The following PKIB variants were observed in gnomAD, a reference collection of about 807,000 sequenced individuals.
The protein encoded by PKIB is PKI-beta.
Under a neutral mutation model 4.5 loss-of-function variants are expected in PKIB, and 2 were observed. That is an observed-to-expected ratio of 0.44 (90% CI 0.18 to 1.39). The LOEUF is 1.39. PKIB is among the 40% of genes most tolerant of loss of function. PKIB has a pLI of 0.27. For missense variants in PKIB, 94 were observed against 92.6 expected (o/e 1.02, Z -0.06); for synonymous variants, 38 against 36.0 (o/e 1.06, Z -0.20).
chr6:122,573,496 G>A (rs73549356), intron 2 of PKIB, among the ~76,000 whole-genome samples: 193 of 139,560 alleles, frequency 1.4e-3, no homozygotes, highest in African/African-American at 4.9e-3. Flanking sequence ...TCCTCCAGCC[G>A]AGGCAACAGA....
intron 2 of PKIB, among the ~76,000 whole-genome samples, chr6:122,671,020 G>C (rs916893515): frequency 1.3e-5 from 2 of 152,160 alleles, no homozygotes; most frequent in Non-Finnish European, 2.9e-5. Flanking sequence ...GAGGCCAGGC[G>C]CGGTGGCTCA....
At chr6:122,663,674 C>T (rs1382342032) in intron 2 of PKIB, among the ~76,000 whole-genome samples, 3 of 152,148 alleles carry the variant, frequency 2.0e-5, no homozygotes, top group Non-Finnish European at 2.9e-5. Context: ...TCTGTCTTTA[C>T]GTTGTCTTCC....
In PKIB at chr6:122,538,964, G is replaced by A. The variant is rs1367903516; in HGVS notation, c.-247-46957G>A. Among the ~76,000 whole-genome samples the A allele has an allele frequency of 3.1e-3, 478 of 151,948 alleles. 1 individual carries two copies. Among genetic ancestry groups the A allele is most frequent in the Non-Finnish European group, 5.6e-3 (382 of 67,960 alleles). On this transcript the variant is annotated intron_variant, in intron 2 of 6. Transcript: ENST00000392491. ...AGCAATTGTGAATGGGAGTTCACTC[G>A]TGATTTGGCTCTCTGTTTGTCTGTT...
At chr6:122,715,683 A>C (rs1181882391) in intron 3 of PKIB, among the ~76,000 whole-genome samples, 1 of 150,888 alleles carries the variant, frequency 6.6e-6, no homozygotes, top group Non-Finnish European at 1.5e-5. Context: ...ATATATATGA[A>C]CTTTAACAAA....
intron 1 of PKIB, among the ~76,000 whole-genome samples, chr6:122,613,161 G>A (rs1774832810): frequency 1.3e-5 from 2 of 152,174 alleles, no homozygotes; most frequent in Admixed American, 1.3e-4. Flanking sequence ...GAGAAAGCAT[G>A]CAGTTTGAAA....
intron 3 of PKIB, 113 bp downstream of exon 3, chr6:122,675,257 CA>C (rs907170140): frequency 6.6e-6 from 1 of 152,398 alleles, no homozygotes; most frequent in Non-Finnish European, 1.5e-5. Context: ...AAGTGGCATG[CA>C]AAATTTGAAT....
chr6:122,586,588 T>C (rs1459724764), intron 3 of PKIB, among the ~76,000 whole-genome samples: 1 of 152,190 alleles, frequency 6.6e-6, no homozygotes, highest in Non-Finnish European at 1.5e-5. Flanking sequence ...TATATTTTTC[T>C]CTTCAGTCTT....
intron 2 of PKIB, among the ~76,000 whole-genome samples, chr6:122,540,147 A>AT (rs1562244212): frequency 6.6e-6 from 1 of 151,974 alleles, no homozygotes; most frequent in African/African-American, 2.4e-5. Flanking sequence ...GGATTCATTA[A>AT]TTTTTTGAAG....
intron 2 of PKIB, among the ~76,000 whole-genome samples, chr6:122,642,425 A>G (rs1776155610): frequency 6.6e-6 from 1 of 152,248 alleles, no homozygotes; most frequent in South Asian, 2.1e-4. Context: ...GAGCTAAGAT[A>G]AGGCATTCTT....
intron 2 of PKIB, among the ~76,000 whole-genome samples, chr6:122,519,938 A>T (rs1392407279): frequency 6.6e-6 from 1 of 152,144 alleles, no homozygotes; most frequent in African/African-American, 2.4e-5. Flanking sequence ...CCAGCTTTTC[A>T]CTGAACTGTT....
At chr6:122,708,726 C>A (rs547605857) in intron 3 of PKIB, among the ~76,000 whole-genome samples, 1 of 152,090 alleles carries the variant, frequency 6.6e-6, no homozygotes, top group Non-Finnish European at 1.5e-5. Flanking sequence ...CTCCTCCTCC[C>A]GGGTTCAAGT....
rs980112600 is a variant in PKIB, at chr6:122,557,526, T to G, written c.-247-28395T>G. On this transcript the variant is annotated intron_variant, in intron 2 of 6. Coordinates refer to the PKIB transcript ENST00000392491. The stretch of plus-strand genomic sequence containing the variant: ...ACCAAAAGAGAACTTGTGTAAGATT[T>G]GGAAGGCACACATGTGAAACAGCAG... Among the ~76,000 whole-genome samples the G allele has an allele frequency of 5.3e-5, 8 of 152,046 alleles. No homozygotes were observed. In the East Asian group the frequency reaches 1.5e-3, roughly 29 times the overall value.
At chr6:122,699,686 G>T (rs567121492) in intron 3 of PKIB, among the ~76,000 whole-genome samples, 38 of 152,232 alleles carry the variant, frequency 2.5e-4, no homozygotes, top group African/African-American at 8.7e-4. Flanking sequence ...TTTAATTTGG[G>T]GTGGAGGCAG....
chr6:122,540,878 A>C (rs1461991213), intron 2 of PKIB, among the ~76,000 whole-genome samples: 2 of 150,784 alleles, frequency 1.3e-5, no homozygotes, highest in African/African-American at 4.9e-5. Flanking sequence ...TATTGGGTGC[A>C]TATATATTTA....
At chr6:122,489,564 C>G (rs950741785) in intron 2 of PKIB, among the ~76,000 whole-genome samples, 22 of 152,182 alleles carry the variant, frequency 1.4e-4, no homozygotes, top group Non-Finnish European at 7.3e-5. Flanking sequence ...AAAATGGATT[C>G]TCTCCTTTTA....
intron 2 of PKIB, among the ~76,000 whole-genome samples, chr6:122,665,185 T>C (rs1049256919): frequency 6.6e-6 from 1 of 152,206 alleles, no homozygotes; most frequent in Non-Finnish European, 1.5e-5. Flanking sequence ...TTAGGCTGCA[T>C]TGCTTAGTAA....
chr6:122,495,448 C>T (rs1017806197), intron 2 of PKIB, among the ~76,000 whole-genome samples: 2 of 152,146 alleles, frequency 1.3e-5, no homozygotes, highest in African/African-American at 2.4e-5. Flanking sequence ...GTTCCATCTG[C>T]CCCTGCCTGA....
rs185307131 is a variant in PKIB, at chr6:122,724,857, T to A, written c.170-271T>A. Among the ~76,000 whole-genome samples, 11 of 152,234 alleles carry A rather than the reference T, an allele frequency of 7.2e-5. No homozygotes were observed. The East Asian group carries it at 2.1e-3, about 30-fold the overall frequency. Reference sequence around the variant, plus strand: ...CTTTGGACAAGTCACTTTACCTGCTTGTGTTTCATTTTAGTAATCTGTAAA... The same window carrying A: ...CTTTGGACAAGTCACTTTACCTGCTAGTGTTTCATTTTAGTAATCTGTAAA... On this transcript the variant is annotated intron_variant, in intron 4 of 4. Coordinates refer to ENST00000368452, the MANE Select transcript of PKIB (RefSeq NM_181795.3).
At chr6:122,704,728 CTGTG>C (rs113825379) in intron 3 of PKIB, among the ~76,000 whole-genome samples, 3 of 149,208 alleles carry the variant, frequency 2.0e-5, no homozygotes, top group African/African-American at 7.4e-5. Flanking sequence ...GAAATAATAA[CTGTG>C]TGTGTGTGTG....
Sources: gnomAD v4.1 joint callset for allele counts (sites outside exome capture counted in the v4.1 genomes callset) on GRCh38, gnomAD v4.1.1 for gene constraint, MANE v1.5 for transcripts, NCBI Gene and HGNC (gene_info 2026-07-23, HGNC 2026-07-21) for gene names.